The following AKR1B15 variants were observed in gnomAD, a reference collection of about 807,000 sequenced individuals.
The protein encoded by AKR1B15 is estradiol 17-beta-dehydrogenase AKR1B15.
A neutral mutation model predicts 38.5 loss-of-function variants in AKR1B15; 49 were observed. The ratio of observed to expected loss-of-function variants is 1.27; its 90% CI spans 1.01 to 1.62. AKR1B15 has a LOEUF of 1.62. Among genes scored for constraint, AKR1B15 ranks in the 40% most tolerant of loss-of-function variants. The pLI is 0.00. For missense variants in AKR1B15, 411 were observed against 381.6 expected (o/e 1.08, Z -0.64); for synonymous variants, 137 against 135.5 (o/e 1.01, Z -0.08).
At chr7:134,556,674 A>G (rs1326863696) in intron 1 of AKR1B15, 62 bp from the exon 2 acceptor site, 4 of 152,126 alleles carry the variant, frequency 2.6e-5, no homozygotes, top group Non-Finnish European at 5.9e-5. Flanking sequence ...ACTCCCCCAG[A>G]TCTACATGTA....
At position 134,551,963 on chromosome 7, in the gene AKR1B15, G is replaced by C. The variant is rs565890763; in HGVS notation, c.-147+2714G>C. On this transcript the variant is annotated intron_variant, in intron 1 of 11. Transcript: ENST00000457545. ...GGGAACCCATGGTGACCACCACAGT[G>C]GGGGGCCAGCCTGTACGCTTCCTAA... Among the ~76,000 whole-genome samples the C allele has an allele frequency of 1.3e-3, 200 of 152,278 alleles. 1 individual carries two copies. The highest frequency in any genetic ancestry group is 1.0e-3 in the Admixed American group (16 of 15,300).
At chr7:134,576,854 C>T (rs1219074633) in intron 9 of AKR1B15, 109 bp from the exon 10 acceptor site, 23 of 1,022,594 alleles carry the variant, frequency 2.2e-5, no homozygotes, top group Admixed American at 1.1e-4. Context: ...TAATTATTAG[C>T]GATTGTACCT....
At chr7:134,561,412 G>A (rs1311561546) in intron 2 of AKR1B15, among the ~76,000 whole-genome samples, 1 of 152,134 alleles carries the variant, frequency 6.6e-6, no homozygotes, top group East Asian at 1.9e-4. Flanking sequence ...TCACCATGTT[G>A]GCCAGGCTAG....
At chr7:134,554,948 T>C (rs904961087) in intron 1 of AKR1B15, among the ~76,000 whole-genome samples, 3 of 152,184 alleles carry the variant, frequency 2.0e-5, no homozygotes, top group African/African-American at 7.2e-5. Flanking sequence ...ACAAGTAGAA[T>C]GCATGAACCC....
chr7:134,573,980 G>A (rs1455757871), intron 6 of AKR1B15, among the ~76,000 whole-genome samples: 2 of 152,152 alleles, frequency 1.3e-5, no homozygotes, highest in Non-Finnish European at 2.9e-5. Context: ...GCTCAGTGCA[G>A]CCTTGGACTC....
intron 2 of AKR1B15, among the ~76,000 whole-genome samples, chr7:134,561,990 C>G (rs1293327972): frequency 6.6e-6 from 1 of 151,658 alleles, no homozygotes; most frequent in Non-Finnish European, 1.5e-5. Flanking sequence ...GCTTTGCTTT[C>G]TCTCTTTCTT....
At chr7:134,578,289 T>C (rs1385555856) in intron 11 of AKR1B15, among the ~76,000 whole-genome samples, 1 of 152,188 alleles carries the variant, frequency 6.6e-6, no homozygotes, top group Non-Finnish European at 1.5e-5. Flanking sequence ...ACTGATCCTT[T>C]ATACGGGTTG....
rs1794214894 is a variant in AKR1B15, at chr7:134,556,874, AAGCAATCTCCAATC to A, written c.-23+19_-23+32del. 6.6e-6 allele frequency: 1 copy of A among 152,208 alleles called. No individual in the cohort carries two copies. The highest frequency in any genetic ancestry group is 2.1e-4 in the South Asian group (1 of 4,832). The allele number at this position is 152,208 out of a possible 1,614,324, so 9.4% of individuals were successfully genotyped here. ...TATCTCAACAGGTAGATGCTGATTTAAGCAATCTCCAATCAGCCATAAATATACTACATGCCCAG... is the reference window on the plus strand; with the variant it reads ...TATCTCAACAGGTAGATGCTGATTTAAGCCATAAATATACTACATGCCCAG... On this transcript the variant is annotated intron_variant, in intron 2 of 11. Coordinates refer to ENST00000457545, the MANE Select transcript of AKR1B15 (RefSeq NM_001080538.3).
intron 2 of AKR1B15, among the ~76,000 whole-genome samples, chr7:134,560,136 T>TC (rs1313794329): frequency 1.3e-5 from 2 of 151,694 alleles, no homozygotes; most frequent in African/African-American, 4.8e-5. Flanking sequence ...TAGCGAAAAT[T>TC]CCTTGTAACA....
At chr7:134,565,731 A>T (rs932505246) in intron 3 of AKR1B15, among the ~76,000 whole-genome samples, 1 of 152,148 alleles carries the variant, frequency 6.6e-6, no homozygotes, top group Non-Finnish European at 1.5e-5. Flanking sequence ...ATGCTGCAAG[A>T]CTGGCTTTCC....
At chr7:134,561,742 C>A (rs111541395) in intron 2 of AKR1B15, among the ~76,000 whole-genome samples, 30,844 of 151,818 alleles carry the variant, frequency 0.2, 4,175 homozygotes, top group Non-Finnish European at 0.3. Flanking sequence ...TGTGACGTGG[C>A]CCTGGCCTGT....
rs191960014 is a variant in AKR1B15 at position 134,568,162 on chromosome 7, T to G, written c.155T>G (p.Leu52Arg). Residue 52 changes from leucine to arginine, a missense_variant, in exon 4 of 12, where the codon CTT (leucine) becomes CGT (arginine). Leu to Arg is a moderately radical substitution (Grantham distance 102). Transcript: ENST00000457545. ...GPLLRPYPASLLGKVKEAVKV... is the reference protein window; with the variant it reads ...GPLLRPYPASRLGKVKEAVKV... ...GGCTTTTCTTTTGCTTTTCAGTCTC[T>G]TCTCGGCAAAGTGAAAGAAGCGGTG... is the stretch of plus-strand genomic sequence containing the variant. 8.7e-6 allele frequency: 14 copies of G among 1,614,050 alleles called. No homozygotes were observed. The Admixed American group carries it at 2.3e-4, about 27-fold the overall frequency.
In AKR1B15 at chr7:134,579,543, A is replaced by G; in HGVS notation, c.1029A>G (p.Glu343=). ...TGGAGGACTTTCCCTTCGATGCAGA[A>G]TATTGAGGTTGAATCTCCTGGTGAG... ...SHLEDFPFDA[E]Y The change falls in exon 12 of 12, where the codon GAA becomes GAG. Residue 343 remains glutamate (E), a synonymous_variant. Coordinates refer to ENST00000457545, the MANE Select transcript of AKR1B15 (RefSeq NM_001080538.3). 1 of 1,600,720 alleles carries G rather than the reference A, an allele frequency of 6.2e-7. No individual in the cohort carries two copies. Among genetic ancestry groups the G allele is most frequent in the Admixed American group, 1.7e-5 (1 of 58,546 alleles).
chr7:134,564,538 GCTATTA>G, intron 2 of AKR1B15, 54 bp from the exon 3 acceptor site: 1 of 606,168 alleles, frequency 1.6e-6, no homozygotes, highest in East Asian at 3.0e-5. Flanking sequence ...AAGCCATCTT[GCTATTA>G]CTCACCTTTG....
intron 2 of AKR1B15, among the ~76,000 whole-genome samples, chr7:134,562,871 TTTC>T (rs1301929976): frequency 2.0e-4 from 26 of 128,408 alleles, no homozygotes; most frequent in African/African-American, 7.3e-4. Flanking sequence ...TCTTTCTTTC[TTTC>T]TTTCTTTCTT....
At chr7:134,568,685 C>T (rs973479438) in intron 4 of AKR1B15, among the ~76,000 whole-genome samples, 2 of 152,056 alleles carry the variant, frequency 1.3e-5, no homozygotes, top group Non-Finnish European at 2.9e-5. Context: ...GCGACTGTGC[C>T]CCTGAGGTTC....
intron 3 of AKR1B15, 187 bp downstream of exon 3, chr7:134,564,956 A>G: frequency 2.3e-6 from 1 of 432,804 alleles, no homozygotes; most frequent in Non-Finnish European, 4.1e-6. Flanking sequence ...AGGATTGTAA[A>G]TGCACCAATC....
At position 134,579,665 on chromosome 7, in the gene AKR1B15, C is replaced by A; in HGVS notation, c.*116C>A. On this transcript the variant is annotated 3_prime_UTR_variant, in exon 12 of 12. Coordinates refer to ENST00000457545, the MANE Select transcript of AKR1B15 (RefSeq NM_001080538.3). ...ATCTGAGATCACAGTGAACTTTGTC[C>A]TGTTGTAGACCAGAATGGAGGTGCT... The A allele has an allele frequency of 2.2e-6, 2 of 919,116 alleles. No individual in the cohort carries two copies. The highest frequency in any genetic ancestry group is 2.6e-5 in the East Asian group (1 of 38,150). The allele number at this position is 919,116 out of a possible 1,614,324, so 56.9% of individuals were successfully genotyped here. A position where few individuals can be genotyped will look rare whatever the true frequency, so the allele number is the denominator to read the frequency against.
At chr7:134,549,853 G>A (rs1793905753) in intron 1 of AKR1B15, among the ~76,000 whole-genome samples, 2 of 152,130 alleles carry the variant, frequency 1.3e-5, no homozygotes, top group South Asian at 4.1e-4. Context: ...CAAAATGACT[G>A]GGCAAGGACT....
Sources: gnomAD v4.1 joint callset for allele counts (sites outside exome capture counted in the v4.1 genomes callset) on GRCh38, gnomAD v4.1.1 for gene constraint, MANE v1.5 for transcripts, NCBI Gene and HGNC (gene_info 2026-07-23, HGNC 2026-07-21) for gene names.